NUP42: variants seen among roughly 807,000 people sequenced by gnomAD.
The protein encoded by NUP42 is nucleoporin 42.
NUP42 carries 47 observed loss-of-function variants against 35.9 expected under a neutral mutation model. That is an observed-to-expected ratio of 1.31 (90% CI 1.04 to 1.67). The LOEUF is 1.67. Ranked by LOEUF, NUP42 falls within the 40% of genes most tolerant of loss-of-function variation. The pLI is 0.00. For missense variants in NUP42, 514 were observed against 492.2 expected (o/e 1.04, Z -0.42); for synonymous variants, 173 against 173.3 (o/e 1.00, Z 0.01).
Position 23,199,477 on chromosome 7 carries a change from G to C in NUP42, c.629G>C (p.Gly210Ala). Residue 210 changes from glycine to alanine, a missense_variant, in exon 6 of 7, where the codon GGA (glycine) becomes GCA (alanine). By Grantham distance (60) the Gly-to-Ala change is moderately conservative. Transcript: ENST00000258742. ...TTTCAGCTCTCTGATGTAAAGGATG[G>C]AGTAAATCAAGCAGCACCTGCATTT... Reference protein sequence around the residue: ...KVALLSDVKDGVNQAAPAFGF... With the variant: ...KVALLSDVKDAVNQAAPAFGF... The C allele has an allele frequency of 6.2e-7, 1 of 1,613,992 alleles. No homozygotes were observed. Among genetic ancestry groups the C allele is most frequent in the Non-Finnish European group, 8.5e-7 (1 of 1,179,968 alleles).
intron 3 of NUP42, chr7:23,195,585 C>T (rs866355970): frequency 6.2e-6 from 2 of 321,212 alleles, no homozygotes; most frequent in Non-Finnish European, 1.1e-5. Context: ...AATCTTTCTC[C>T]TGTGTTTGTT....
At chr7:23,186,806 T>A (rs1161497374) in intron 2 of NUP42, among the ~76,000 whole-genome samples, 4 of 152,214 alleles carry the variant, frequency 2.6e-5, no homozygotes, top group Admixed American at 2.6e-4. Flanking sequence ...GTATTAACAT[T>A]GGTTAATGGG....
intron 4 of NUP42, 26 bp from the exon 5 acceptor site, chr7:23,196,654 G>A: frequency 6.7e-7 from 1 of 1,497,752 alleles, no homozygotes; most frequent in Non-Finnish European, 9.3e-7. Context: ...ATATTGAACT[G>A]TTATTTTTCT....
chr7:23,186,355 CT>C (rs1785596605), intron 2 of NUP42, among the ~76,000 whole-genome samples: 1 of 152,110 alleles, frequency 6.6e-6, no homozygotes, highest in Non-Finnish European at 1.5e-5. Context: ...CAAAACCTTC[CT>C]TTCTGCATTT....
Position 23,200,373 on chromosome 7 carries a change from A to G in NUP42, c.900A>G (p.Ser300=), listed in dbSNP as rs138813712. The change falls in exon 7 of 7, where the codon TCA becomes TCG. Residue 300 remains serine (S), a synonymous_variant. Transcript: ENST00000258742. ...FGKPEVTSAA[S]FSFKSPAASS... ...AGCCTGAAGTCACATCGGCTGCATCATTTTCATTCAAAAGCCCTGCAGCTT... is the reference window on the plus strand; with the variant it reads ...AGCCTGAAGTCACATCGGCTGCATCGTTTTCATTCAAAAGCCCTGCAGCTT... The G allele has an allele frequency of 9.9e-6, 16 of 1,613,794 alleles. No individual in the cohort carries two copies. In the African/African-American group the frequency reaches 2.1e-4, roughly 22 times the overall value.
Position 23,185,230 on chromosome 7 carries a change from C to G in NUP42, c.282C>G (p.Gly94=), listed in dbSNP as rs1263837045. The G allele has an allele frequency of 1.2e-6, 2 of 1,613,978 alleles. No homozygotes were observed. Among genetic ancestry groups the G allele is most frequent in the Non-Finnish European group, 1.7e-6 (2 of 1,180,024 alleles). ...GAGCTTCAACTAACAGGAAGGAAGG[C>G]TTTGGATTGTCTGAGAACCCATTTG... ...DSGASTNRKE[G]FGLSENPFAS... The change falls in exon 2 of 7, where the codon GGC becomes GGG. Residue 94 remains glycine (G), a synonymous_variant. Transcript: ENST00000258742.
At chr7:23,182,320 C>T in intron 1 of NUP42, 114 bp downstream of exon 1, 1 of 1,491,102 alleles carries the variant, frequency 6.7e-7, no homozygotes, top group South Asian at 1.3e-5. Context: ...CGCGTCGCGG[C>T]CTTGCCGGCC....
chr7:23,191,795 G>C (rs1020429099), intron 3 of NUP42, among the ~76,000 whole-genome samples: 2 of 151,930 alleles, frequency 1.3e-5, no homozygotes, highest in African/African-American at 4.8e-5. Flanking sequence ...AGACCAACCT[G>C]GGCAACTTGG....
At chr7:23,182,294 G>C (rs930138683) in intron 1 of NUP42, 88 bp downstream of exon 1, 2 of 1,523,954 alleles carry the variant, frequency 1.3e-6, no homozygotes, top group African/African-American at 2.7e-5. Context: ...CCCGCTGCTG[G>C]TGACCCCAAC....
chr7:23,185,572 C>G (rs1272957430), intron 2 of NUP42, among the ~76,000 whole-genome samples: 1 of 152,032 alleles, frequency 6.6e-6, no homozygotes, highest in Non-Finnish European at 1.5e-5. Flanking sequence ...GAGTGCCTTC[C>G]TAGGGGTAAT....
chr7:23,189,261 C>T (rs1027538248), intron 3 of NUP42, among the ~76,000 whole-genome samples: 4 of 152,204 alleles, frequency 2.6e-5, no homozygotes, highest in African/African-American at 9.6e-5. Context: ...ACTTTGTCAT[C>T]GTGAGCATGA....
intron 5 of NUP42, 154 bp from the exon 6 acceptor site, chr7:23,199,304 A>G (rs934609932): frequency 1.7e-6 from 1 of 598,214 alleles, no homozygotes; most frequent in Non-Finnish European, 3.0e-6. Context: ...CACCCTCCTC[A>G]GCCTCCCAAA....
At chr7:23,186,373 A>G (rs1785597016) in intron 2 of NUP42, among the ~76,000 whole-genome samples, 1 of 152,170 alleles carries the variant, frequency 6.6e-6, no homozygotes. Flanking sequence ...ATTTGTTGCA[A>G]TTCTAAATTT....
intron 3 of NUP42, among the ~76,000 whole-genome samples, chr7:23,189,109 G>A (rs1253240724): frequency 1.3e-5 from 2 of 152,092 alleles, no homozygotes; most frequent in African/African-American, 4.8e-5. Context: ...TGTTCAAGTT[G>A]GACTGAGCTA....
intron 2 of NUP42, among the ~76,000 whole-genome samples, chr7:23,185,502 T>G (rs571113174): frequency 6.6e-6 from 1 of 152,356 alleles, no homozygotes; most frequent in South Asian, 2.1e-4. Context: ...GCCACTCTTT[T>G]GCTGTGTATT....
At chr7:23,184,954 C>G in intron 1 of NUP42, 116 bp from the exon 2 acceptor site, 1 of 818,606 alleles carries the variant, frequency 1.2e-6, no homozygotes, top group Non-Finnish European at 1.9e-6. Context: ...TACAGTGAGC[C>G]AAGATCATGC....
chr7:23,185,128 A>G lies in NUP42; in HGVS notation c.180A>G (p.Pro60=), dbSNP rs139056954. ...TSQRYSNVIQ[P]SSFSKSTPWG... The stretch of plus-strand genomic sequence containing the variant: ...AGAGATATTCCAATGTCATCCAGCC[A>G]TCCAGTTTCTCCAAATCCACACCAT... The change falls in exon 2 of 7, where the codon CCA becomes CCG. Residue 60 remains proline, a synonymous_variant. Coordinates refer to ENST00000258742, the MANE Select transcript of NUP42 (RefSeq NM_007342.3). 1.7e-4 allele frequency: 269 copies of G among 1,614,232 alleles called. 1 individual carries two copies. In the African/African-American group the frequency reaches 3.4e-3, roughly 20 times the overall value.
intron 1 of NUP42, among the ~76,000 whole-genome samples, chr7:23,183,581 A>T (rs1785489167): frequency 6.6e-6 from 1 of 152,114 alleles, no homozygotes; most frequent in Non-Finnish European, 1.5e-5. Context: ...ACTTCAGGGA[A>T]GACAGTCCTT....
Position 23,199,461 on chromosome 7 carries a change from T to C in NUP42, c.613T>C (p.Ser205Pro), listed in dbSNP as rs569259219. ...TTTGCACACTTTTTTTTTTCAGCTC[T>C]CTGATGTAAAGGATGGAGTAAATCA... ...LNISTKVALLSDVKDGVNQAA... is the reference protein window; with the variant it reads ...LNISTKVALLPDVKDGVNQAA... Residue 205 changes from serine to proline, a missense_variant, in exon 6 of 7, where the codon TCT becomes CCT. Ser to Pro is a moderately conservative substitution (Grantham distance 74). Coordinates refer to ENST00000258742, the MANE Select transcript of NUP42 (RefSeq NM_007342.3). 2 of 1,613,710 alleles carry C rather than the reference T, an allele frequency of 1.2e-6. No individual in the cohort carries two copies. Among genetic ancestry groups the C allele is most frequent in the African/African-American group, 2.7e-5 (2 of 75,000 alleles).
Sources: allele counts gnomAD v4.1 joint callset (sites outside exome capture counted in the v4.1 genomes callset), GRCh38; gene constraint gnomAD v4.1.1; transcripts MANE v1.5; gene names NCBI Gene and HGNC (gene_info 2026-07-23, HGNC 2026-07-21).